POLR2F: variants seen among roughly 807,000 people sequenced by gnomAD.
The protein encoded by POLR2F is DNA-directed RNA polymerases I, II, and III subunit RPABC2.
A neutral mutation model predicts 22.7 loss-of-function variants in POLR2F; 12 were observed. That is an observed-to-expected ratio of 0.53 (90% CI 0.34 to 0.86). The LOEUF (loss-of-function observed/expected upper bound fraction) is 0.86, where lower values mean the gene tolerates loss of function less well. Among genes scored for constraint, POLR2F ranks in the 40% least tolerant of loss-of-function variants. The pLI is 0.02. For missense variants in POLR2F, 126 were observed against 171.5 expected, an observed-to-expected ratio of 0.73 and a Z score of 1.48; for synonymous variants, 57 against 66.0, an observed-to-expected ratio of 0.86 and a Z score of 0.66.
intron 5 of POLR2F, among the ~76,000 whole-genome samples, chr22:38,039,078 C>G (rs890447826): frequency 6.6e-6 from 1 of 152,210 alleles, no homozygotes; most frequent in Non-Finnish European, 1.5e-5. Context: ...CGCCATTTCC[C>G]GCGGCCCTTG....
upstream of POLR2F, among the ~76,000 whole-genome samples, chr22:37,982,742 C>A (rs772451452): frequency 6.6e-5 from 10 of 152,024 alleles, no homozygotes; most frequent in Non-Finnish European, 1.2e-4. Context: ...TGTGTGTCCT[C>A]TCCCTAGGAG....
At chr22:38,025,397 A>G (rs961214769) in intron 1 of POLR2F, among the ~76,000 whole-genome samples, 14 of 152,136 alleles carry the variant, frequency 9.2e-5, no homozygotes, top group African/African-American at 1.2e-4. Flanking sequence ...CACAATACAC[A>G]TGCATACACA....
chr22:37,957,943 A>G (rs1226001576), intron 2 of POLR2F, among the ~76,000 whole-genome samples: 1 of 152,178 alleles, frequency 6.6e-6, no homozygotes, highest in African/African-American at 2.4e-5. Context: ...AATATTCGCA[A>G]CAGAGTATCC....
chr22:37,959,049 C>A lies in POLR2F; in HGVS notation c.91-297C>A, dbSNP rs999502725. Among the ~76,000 whole-genome samples the A allele has an allele frequency of 2.6e-5, 4 of 152,120 alleles. 1 individual carries two copies. In the East Asian group the frequency reaches 7.7e-4, roughly 29 times the overall value. On this transcript the variant is annotated intron_variant, in intron 2 of 4. Coordinates refer to ENST00000442738, the MANE Select transcript of POLR2F (RefSeq NM_021974.5). ...TCTGATACCACCCCATCTCCAGGCC[C>A]TCTGCTCTCTTCTGGATGAGGCAGT... is the stretch of plus-strand genomic sequence containing the variant.
At chr22:38,030,787 G>C (rs73886236), downstream of POLR2F, among the ~76,000 whole-genome samples, 2,434 of 152,254 alleles carry the variant, frequency 0.016, 74 homozygotes, top group African/African-American at 0.057. Context: ...AGGTGTGGGT[G>C]GGGGCAGGGT....
rs753233227 is a variant in POLR2F, at chr22:37,997,679, G to A, written c.120+11367G>A. On this transcript the variant is annotated intron_variant, in intron 1 of 2. Transcript: ENST00000333418. The surrounding 1 kb of genome is among the most constrained non-coding windows in gnomAD (Gnocchi z 4.4). ...CCCAGGACACCCGGCTCTGTCCCCT[G>A]CATGCCCTGGGTCACCCTGCCCCTC... Among the ~76,000 whole-genome samples, 18 of 152,068 alleles carry A rather than the reference G, an allele frequency of 1.2e-4. No homozygotes were observed. The highest frequency in any genetic ancestry group is 2.5e-4 in the Non-Finnish European group (17 of 68,006).
downstream of POLR2F, among the ~76,000 whole-genome samples, chr22:37,970,218 C>T (rs374730002): frequency 1.1e-4 from 17 of 149,816 alleles, no homozygotes; most frequent in East Asian, 3.9e-4. Context: ...GGCGTGAACC[C>T]GGGAGGCGGA....
At chr22:37,972,016 T>G (rs1372107787), downstream of POLR2F, among the ~76,000 whole-genome samples, 2 of 149,730 alleles carry the variant, frequency 1.3e-5, no homozygotes, top group African/African-American at 4.9e-5. Flanking sequence ...GTTCCCACTT[T>G]CTTAGCAGGG....
At chr22:38,013,651 C>T (rs2084891223) in intron 1 of POLR2F, among the ~76,000 whole-genome samples, 1 of 152,096 alleles carries the variant, frequency 6.6e-6, no homozygotes, top group Non-Finnish European at 1.5e-5. Context: ...GTAAAAACAC[C>T]ATTACACAAA....
intron 3 of POLR2F, among the ~76,000 whole-genome samples, chr22:37,964,425 A>C (rs1931770957): frequency 6.6e-6 from 1 of 152,144 alleles, no homozygotes; most frequent in Admixed American, 6.5e-5. Context: ...GCTGGAGAAG[A>C]TGACACTGGT....
At chr22:38,023,648 C>G (rs1001825322) in intron 1 of POLR2F, among the ~76,000 whole-genome samples, 1 of 151,970 alleles carries the variant, frequency 6.6e-6, no homozygotes, top group Non-Finnish European at 1.5e-5. Flanking sequence ...CCCTGGAGAT[C>G]CCCATTCTTC....
intron 1 of POLR2F, among the ~76,000 whole-genome samples, chr22:37,998,451 CCTT>C (rs2084737822): frequency 6.6e-6 from 1 of 152,206 alleles, no homozygotes; most frequent in Non-Finnish European, 1.5e-5. Context: ...TCTGGACAGG[CCTT>C]CTGACTTCCA....
In POLR2F at chr22:37,961,959, C is replaced by T. The variant is rs971611008; in HGVS notation, c.221+2483C>T. 7.9e-5 allele frequency among the ~76,000 whole-genome samples: 12 copies of T among 151,870 alleles called. No individual in the cohort carries two copies. In the East Asian group the frequency reaches 9.7e-4, roughly 12 times the overall value. The stretch of plus-strand genomic sequence containing the variant: ...CCTAGAAAGAAAAGCAGCTGGGTGC[C>T]GTGGCTCACAACTGTAATCCCAGCA... On this transcript the variant is annotated intron_variant, in intron 3 of 4. Coordinates refer to ENST00000442738, the MANE Select transcript of POLR2F (RefSeq NM_021974.5).
At chr22:38,038,819 G>T (rs1230187317) in intron 5 of POLR2F, among the ~76,000 whole-genome samples, 1 of 143,968 alleles carries the variant, frequency 6.9e-6, no homozygotes, top group East Asian at 2.3e-4. Flanking sequence ...CCGGGGCTGC[G>T]CGCTGACCGT....
chr22:37,986,000 C>G (rs901488787), upstream of POLR2F: 28 of 1,276,800 alleles, frequency 2.2e-5, no homozygotes, highest in African/African-American at 3.0e-5. Context: ...ACGCCACCCC[C>G]GGCGCTGCCA....
Position 38,025,241 on chromosome 22 carries a change from TCACA to T in POLR2F, c.121-617_121-614del, listed in dbSNP as rs139306969. On this transcript the variant is annotated intron_variant, in intron 1 of 2. Coordinates refer to the POLR2F transcript ENST00000333418. ...CGGTGACACATGTGCACTCACTTGC[TCACA>T]CACACACACAGGCACTCATGTACTC... 4.6e-5 allele frequency among the ~76,000 whole-genome samples: 7 copies of T among 151,664 alleles called. No individual in the cohort carries two copies. In the East Asian group the frequency reaches 7.7e-4, roughly 17 times the overall value.
chr22:37,980,437 C>T lies in POLR2F; in HGVS notation c.293+13267C>T, dbSNP rs537351994. On this transcript the variant is annotated intron_variant, in intron 4 of 4. Coordinates refer to the POLR2F transcript ENST00000405557. The surrounding 1 kb of genome is among the most constrained non-coding windows in gnomAD (Gnocchi z 4.1). ...CAGAAGAGAGAGAGGATTCCAACAT[C>T]GGATTCCGCTGCTACCTCCTAAGCT... Among the ~76,000 whole-genome samples the T allele has an allele frequency of 3.1e-4, 47 of 152,260 alleles. No homozygotes were observed. The highest frequency in any genetic ancestry group is 4.1e-4 in the South Asian group (2 of 4,822).
chr22:38,001,446 A>G (rs978807556), intron 1 of POLR2F, among the ~76,000 whole-genome samples: 2 of 152,176 alleles, frequency 1.3e-5, no homozygotes, highest in Non-Finnish European at 2.9e-5. Flanking sequence ...GGAATTTACG[A>G]ATTTATTCAT....
chr22:37,991,436 AT>A (rs979362180), intron 1 of POLR2F, among the ~76,000 whole-genome samples: 26 of 152,244 alleles, frequency 1.7e-4, no homozygotes, highest in Admixed American at 3.3e-4. Context: ...TTTAAAACAA[AT>A]TTTTTTTAAA....
Sources: allele counts gnomAD v4.1 joint callset (sites outside exome capture counted in the v4.1 genomes callset), GRCh38; gene constraint gnomAD v4.1.1; non-coding constraint Gnocchi (gnomAD v3.1); transcripts MANE v1.5; gene names NCBI Gene and HGNC (gene_info 2026-07-23, HGNC 2026-07-21).